BIRC6: variants seen among roughly 807,000 people sequenced by gnomAD.
The protein encoded by BIRC6 is dual E2 ubiquitin-conjugating enzyme/E3 ubiquitin-protein ligase BIRC6.
A neutral mutation model predicts 503.3 loss-of-function variants in BIRC6; 98 were observed. That is an observed-to-expected ratio of 0.19 (90% CI 0.17 to 0.23). The LOEUF (loss-of-function observed/expected upper bound fraction) is 0.23, where lower values mean the gene tolerates loss of function less well. Among genes scored for constraint, BIRC6 ranks in the 10% least tolerant of loss-of-function variants. BIRC6 has a pLI of 1.00. For missense variants in BIRC6, 5,360 were observed against 5,806.0 expected (o/e 0.92, Z 2.50); for synonymous variants, 2,240 against 2,078.7 (o/e 1.08, Z -2.11).
chr2:32,387,160 G>A (rs535245307), intron 3 of BIRC6, among the ~76,000 whole-genome samples: 8 of 152,284 alleles, frequency 5.3e-5, no homozygotes, highest in African/African-American at 1.9e-4. Flanking sequence ...CTTTCTGAGG[G>A]AAGGTTTGGA....
At position 32,430,891 on chromosome 2, in the gene BIRC6, T is replaced by C. The variant is rs1483161444; in HGVS notation, c.3049T>C (p.Phe1017Leu). Residue 1017 changes from phenylalanine (F) to leucine (L), a missense_variant, in exon 12 of 74, where the codon TTC (phenylalanine) becomes CTC (leucine). Phe to Leu is a conservative substitution (Grantham distance 22). Coordinates refer to ENST00000421745, the MANE Select transcript of BIRC6 (RefSeq NM_016252.4). ...SGVDLLVDQP[F>L]TLEILTSLVE... ...AGTTGATTTATTGGTGGACCAGCCATTCACCCTTGAAATCTTGACATCCCT... is the reference window on the plus strand; with the variant it reads ...AGTTGATTTATTGGTGGACCAGCCACTCACCCTTGAAATCTTGACATCCCT... 1 of 1,558,396 alleles carries C rather than the reference T, an allele frequency of 6.4e-7. No individual in the cohort carries two copies. Among genetic ancestry groups the C allele is most frequent in the African/African-American group, 1.4e-5 (1 of 72,648 alleles).
Position 32,509,855 on chromosome 2 carries a change from G to A in BIRC6, c.10098G>A (p.Leu3366=), listed in dbSNP as rs766639684. The A allele has an allele frequency of 3.7e-6, 6 of 1,613,950 alleles. No individual in the cohort carries two copies. The South Asian group carries it at 5.5e-5, about 15-fold the overall frequency. Residue 3366 remains leucine, a synonymous_variant, in exon 52 of 74, where the codon TTG becomes TTA. Transcript: ENST00000421745. The part of the protein sequence containing the change: ...ANLLQTCAAL[L]MSPYCGMHSP... ...TGCTGCAGACTTGTGCGGCCTTATT[G>A]ATGTCACCTTACTGTGGAATGCATT... is the stretch of plus-strand genomic sequence containing the variant.
chr2:32,406,499 T>G lies in BIRC6; in HGVS notation c.1419T>G (p.Ser473Arg). 4.4e-6 allele frequency: 7 copies of G among 1,606,096 alleles called. No individual in the cohort carries two copies. Among genetic ancestry groups the G allele is most frequent in the Non-Finnish European group, 6.0e-6 (7 of 1,174,246 alleles). ...TGTTTACTTTGTTTTTTGATTTAAGTGATGATTTACTGGAGGATTCAGACA... is the reference window on the plus strand; with the variant it reads ...TGTTTACTTTGTTTTTTGATTTAAGGGATGATTTACTGGAGGATTCAGACA... ...CSDIPKLEGDSDDLLEDSDSE... is the reference protein window; with the variant it reads ...CSDIPKLEGDRDDLLEDSDSE... The change falls in exon 9 of 74, where the codon AGT becomes AGG. Residue 473 changes from serine (S) to arginine (R), a missense_variant and splice_region_variant. By Grantham distance (110) the Ser-to-Arg change is moderately radical. This residue lies in a region of BIRC6 where 700 missense variants were observed against 739.3 expected (regional missense o/e 0.95). Transcript: ENST00000421745.
At chr2:32,475,316 GC>G (rs2049617427) in intron 33 of BIRC6, among the ~76,000 whole-genome samples, 1 of 152,082 alleles carries the variant, frequency 6.6e-6, no homozygotes, top group Non-Finnish European at 1.5e-5. Context: ...CTGTGTACAT[GC>G]TGTATGGAGA....
chr2:32,469,428 T>G lies in BIRC6; in HGVS notation c.6161T>G (p.Phe2054Cys). ...HSVPAVLQST[F>C]HAQACEELFK... The stretch of plus-strand genomic sequence containing the variant: ...GTTCCTGCAGTTTTGCAGAGCACAT[T>G]TCATGCCCAGGCCTGTGAAGAGCTC... Residue 2054 changes from phenylalanine to cysteine, a missense_variant, in exon 30 of 74, where the codon TTT becomes TGT. Phe to Cys is a radical substitution (Grantham distance 205). Around this residue, in one of 16 missense-constraint regions of BIRC6, gnomAD observed 2,299 missense variants for 2,267.2 expected, o/e 1.01. Transcript: ENST00000421745. The G allele has an allele frequency of 6.2e-7, 1 of 1,613,894 alleles. No individual in the cohort carries two copies. Among genetic ancestry groups the G allele is most frequent in the Non-Finnish European group, 8.5e-7 (1 of 1,179,824 alleles).
intron 1 of BIRC6, among the ~76,000 whole-genome samples, chr2:32,370,683 CCTT>C (rs910609188): frequency 2.0e-5 from 3 of 151,920 alleles, no homozygotes; most frequent in Non-Finnish European, 4.4e-5. Context: ...TAATTTTGTA[CCTT>C]CTTTTTAAAA....
At chr2:32,460,286 T>A (rs1247816649) in intron 23 of BIRC6, among the ~76,000 whole-genome samples, 3 of 98,424 alleles carry the variant, frequency 3.0e-5, no homozygotes, top group Non-Finnish European at 6.3e-5. Context: ...TTTTTTTTTT[T>A]TTTTTTTTTT....
chr2:32,493,389 C>T, intron 44 of BIRC6, 151 bp from the exon 45 acceptor site: 1 of 597,410 alleles, frequency 1.7e-6, no homozygotes. Context: ...CTAAAAAATT[C>T]ATTTCCTGCT....
At chr2:32,571,637 C>T (rs1008900930) in intron 65 of BIRC6, among the ~76,000 whole-genome samples, 7 of 151,844 alleles carry the variant, frequency 4.6e-5, no homozygotes, top group African/African-American at 2.4e-5. Context: ...TGGATCTTCT[C>T]TCTTCTTGGT....
At chr2:32,369,613 A>C (rs551360158) in intron 1 of BIRC6, among the ~76,000 whole-genome samples, 3 of 151,778 alleles carry the variant, frequency 2.0e-5, no homozygotes, top group South Asian at 4.2e-4. Context: ...TTTTTGGTAG[A>C]GACAGGGTTT....
chr2:32,380,931 A>G lies in BIRC6; in HGVS notation c.645+641A>G, dbSNP rs146028759. On this transcript the variant is annotated intron_variant, in intron 3 of 73. Transcript: ENST00000421745. Reference sequence around the variant, plus strand: ...TTGGATGCTTGGATAAGAATGGACTATGTCTTTGGAAATTGAGCCATTTTG... The same window carrying G: ...TTGGATGCTTGGATAAGAATGGACTGTGTCTTTGGAAATTGAGCCATTTTG... Among the ~76,000 whole-genome samples the G allele has an allele frequency of 7.9e-4, 120 of 152,234 alleles. 1 individual carries two copies. The East Asian group carries it at 0.014, about 17-fold the overall frequency.
At chr2:32,552,219 G>A (rs1019055570) in intron 65 of BIRC6, among the ~76,000 whole-genome samples, 5 of 152,052 alleles carry the variant, frequency 3.3e-5, no homozygotes, top group Admixed American at 6.6e-5. Flanking sequence ...ACAGGTATAC[G>A]TTAGATACTT....
chr2:32,435,366 C>A (rs2044583896), intron 13 of BIRC6, 130 bp from the exon 14 acceptor site: 2 of 1,030,242 alleles, frequency 1.9e-6, no homozygotes, highest in African/African-American at 3.3e-5. Context: ...ACAGAAGTTC[C>A]CAAGTTAACA....
intron 3 of BIRC6, among the ~76,000 whole-genome samples, chr2:32,384,881 T>C (rs2038217350): frequency 6.6e-6 from 1 of 152,342 alleles, no homozygotes; most frequent in South Asian, 2.1e-4. Context: ...TGCCTTTTGG[T>C]CTGCATTGAC....
intron 1 of BIRC6, among the ~76,000 whole-genome samples, chr2:32,371,143 G>A (rs1017551609): frequency 1.4e-5 from 2 of 146,810 alleles, no homozygotes; most frequent in Admixed American, 1.4e-4. Flanking sequence ...AGCCTGGGAG[G>A]CAGAGGTTGC....
chr2:32,509,251 G>A (rs1258467979), intron 51 of BIRC6, among the ~76,000 whole-genome samples: 1 of 152,034 alleles, frequency 6.6e-6, no homozygotes, highest in East Asian at 1.9e-4. Context: ...TTTTGTATGT[G>A]ATTTATCTTT....
chr2:32,607,141 T>A (rs560753146), intron 71 of BIRC6, among the ~76,000 whole-genome samples: 53 of 150,064 alleles, frequency 3.5e-4, no homozygotes, highest in Non-Finnish European at 2.9e-5. Context: ...AAAAACGAAA[T>A]TTTTTTAGCA....
At chr2:32,462,149 A>G (rs1413727269) in intron 23 of BIRC6, among the ~76,000 whole-genome samples, 1 of 152,166 alleles carries the variant, frequency 6.6e-6, no homozygotes, top group Non-Finnish European at 1.5e-5. Flanking sequence ...CCACATGGTA[A>G]TGCATACTAA....
At chr2:32,481,545 T>A in intron 38 of BIRC6, 92 bp downstream of exon 38, 1 of 1,058,698 alleles carries the variant, frequency 9.4e-7, no homozygotes, top group Non-Finnish European at 1.3e-6. Context: ...GGTGGGCAGA[T>A]CACAAGGTCA....
Sources: gnomAD v4.1 joint callset for allele counts (sites outside exome capture counted in the v4.1 genomes callset) on GRCh38, gnomAD v4.1.1 for gene constraint, gnomAD v4.1.1 regional missense constraint, MANE v1.5 for transcripts, NCBI Gene and HGNC (gene_info 2026-07-23, HGNC 2026-07-21) for gene names.